DTWD2: variants seen among roughly 807,000 people sequenced by gnomAD.
The protein encoded by DTWD2 is DTW motif tRNA-uridine aminocarboxypropyltransferase 2, also known as tRNA-uridine aminocarboxypropyltransferase 2.
A neutral mutation model predicts 31.8 loss-of-function variants in DTWD2; 39 were observed. That is an observed-to-expected ratio of 1.22 (90% CI 0.95 to 1.60). The LOEUF is 1.60. DTWD2 is among the 40% of genes most tolerant of loss of function. The probability of loss-of-function intolerance (pLI) is 0.00; values close to 1 mark genes in which losing one functional copy is unlikely to be tolerated. For synonymous variants in DTWD2, 180 were observed against 142.8 expected, an observed-to-expected ratio of 1.26 and a Z score of -1.86; for missense variants, 515 against 381.5, an observed-to-expected ratio of 1.35 and a Z score of -2.92.
At chr5:118,884,927 C>T (rs894663799) in intron 4 of DTWD2, among the ~76,000 whole-genome samples, 4 of 138,480 alleles carry the variant, frequency 2.9e-5, no homozygotes, top group African/African-American at 1.1e-4. Flanking sequence ...ACCTAGGAGG[C>T]GGAGCTTGCA....
chr5:118,898,658 CAAAA>C (rs200407705), intron 4 of DTWD2, among the ~76,000 whole-genome samples: 2 of 82,306 alleles, frequency 2.4e-5, no homozygotes, highest in Non-Finnish European at 4.8e-5. Flanking sequence ...GACTCCATCT[CAAAA>C]AAAAAAAAAA....
intron 1 of DTWD2, among the ~76,000 whole-genome samples, chr5:118,947,345 T>C (rs551444779): frequency 1.3e-5 from 2 of 152,232 alleles, no homozygotes; most frequent in African/African-American, 2.4e-5. Context: ...GTGGTAAATA[T>C]GGAGGATTTT....
Position 118,929,153 on chromosome 5 carries a change from G to GA in DTWD2, c.405-425dup, listed in dbSNP as rs546686883. On this transcript the variant is annotated intron_variant, in intron 3 of 5. Coordinates refer to ENST00000510708, the MANE Select transcript of DTWD2 (RefSeq NM_173666.4). ...AAGGCAAAATCGAGTAGCAATGGAAGAACCATAAAGAGAAGTTCGGTTGCA... is the reference window on the plus strand; with the variant it reads ...AAGGCAAAATCGAGTAGCAATGGAAGAAACCATAAAGAGAAGTTCGGTTGCA... 3.3e-4 allele frequency among the ~76,000 whole-genome samples: 51 copies of GA among 152,316 alleles called. No homozygotes were observed. In the East Asian group the frequency reaches 4.6e-3, roughly 14 times the overall value.
chr5:118,861,940 TAAC>T (rs772077037), intron 4 of DTWD2, among the ~76,000 whole-genome samples: 6 of 151,792 alleles, frequency 4.0e-5, no homozygotes, highest in Non-Finnish European at 5.9e-5. Flanking sequence ...GCAGAGCGAG[TAAC>T]AACAGTAAAG....
chr5:118,913,132 T>C (rs926346665), intron 4 of DTWD2, among the ~76,000 whole-genome samples: 6 of 152,064 alleles, frequency 3.9e-5, no homozygotes, highest in Admixed American at 1.3e-4. Context: ...CAAGGTCTGA[T>C]TGCAAAAATT....
At chr5:118,935,963 T>G (rs1324474622) in intron 3 of DTWD2, among the ~76,000 whole-genome samples, 1 of 152,160 alleles carries the variant, frequency 6.6e-6, no homozygotes, top group African/African-American at 2.4e-5. Flanking sequence ...GCATATAGAA[T>G]ATTTACCAAA....
intron 4 of DTWD2, among the ~76,000 whole-genome samples, chr5:118,887,847 C>T (rs1244822204): frequency 2.0e-5 from 3 of 152,156 alleles, no homozygotes; most frequent in Non-Finnish European, 2.9e-5. Context: ...CTCTATGCTG[C>T]CCAGGCTTGT....
At chr5:118,973,023 GTC>G (rs1229136450) in intron 1 of DTWD2, among the ~76,000 whole-genome samples, 1 of 150,094 alleles carries the variant, frequency 6.7e-6, no homozygotes, top group Non-Finnish European at 1.5e-5. Flanking sequence ...TTGGTTTACA[GTC>G]TGTTTTATCA....
intron 4 of DTWD2, among the ~76,000 whole-genome samples, chr5:118,877,933 C>A (rs959053690): frequency 1.3e-5 from 2 of 152,110 alleles, no homozygotes; most frequent in African/African-American, 4.8e-5. Flanking sequence ...GAAACCTACT[C>A]CCATTCACAA....
chr5:118,974,083 C>T (rs1429147376), intron 1 of DTWD2: 11 of 1,600,766 alleles, frequency 6.9e-6, no homozygotes, highest in South Asian at 1.1e-5. Context: ...ATGAGGATGA[C>T]GATGTCGATA....
At chr5:118,956,852 A>T (rs1754599152) in intron 1 of DTWD2, among the ~76,000 whole-genome samples, 1 of 152,192 alleles carries the variant, frequency 6.6e-6, no homozygotes, top group South Asian at 2.1e-4. Context: ...AGTTGAATAG[A>T]TACACTGCAT....
intron 4 of DTWD2, among the ~76,000 whole-genome samples, chr5:118,927,688 T>C (rs1354477989): frequency 6.6e-6 from 1 of 152,040 alleles, no homozygotes; most frequent in Non-Finnish European, 1.5e-5. Context: ...CTGATCTAAA[T>C]AGAAGTAGAA....
chr5:118,861,277 G>A (rs1278839508), intron 4 of DTWD2, among the ~76,000 whole-genome samples: 2 of 152,216 alleles, frequency 1.3e-5, no homozygotes, highest in African/African-American at 4.8e-5. Context: ...CCATGAGATT[G>A]AAGTTTATGA....
intron 4 of DTWD2, among the ~76,000 whole-genome samples, chr5:118,894,302 A>G (rs1021948102): frequency 1.3e-5 from 2 of 152,156 alleles, no homozygotes; most frequent in Non-Finnish European, 2.9e-5. Flanking sequence ...TACAATCCCA[A>G]TCCAACTCCT....
chr5:118,869,335 C>T (rs1014764853), intron 4 of DTWD2, among the ~76,000 whole-genome samples: 5 of 152,040 alleles, frequency 3.3e-5, no homozygotes, highest in Non-Finnish European at 7.4e-5. Context: ...TGAAGTCAAC[C>T]ACAACACAAA....
At chr5:118,974,261 G>A (rs1389007477) in intron 1 of DTWD2, 16 of 760,848 alleles carry the variant, frequency 2.1e-5, no homozygotes, top group Non-Finnish European at 3.1e-5. Context: ...AGTGCCACCC[G>A]CAGATGACAC....
intron 1 of DTWD2, among the ~76,000 whole-genome samples, chr5:118,976,484 A>G (rs951684118): frequency 2.7e-4 from 41 of 152,260 alleles, no homozygotes; most frequent in African/African-American, 9.9e-4. Flanking sequence ...TCAAATAGAC[A>G]CAGTAAAAGA....
rs538869624 is a variant in DTWD2, at chr5:118,935,489, T to C, written c.404+3707A>G. 5.9e-5 allele frequency among the ~76,000 whole-genome samples: 9 copies of C among 152,268 alleles called. No individual in the cohort carries two copies. In the South Asian group the frequency reaches 1.9e-3, roughly 32 times the overall value. On this transcript the variant is annotated intron_variant, in intron 3 of 5. Coordinates refer to ENST00000510708, the MANE Select transcript of DTWD2 (RefSeq NM_173666.4). ...ATTGAACTGGAAGACACCCAACTAG[T>C]ATTATTGCAAAATTGACTGCTTGCT...
intron 1 of DTWD2, among the ~76,000 whole-genome samples, chr5:118,968,384 C>T (rs1336935034): frequency 6.6e-6 from 1 of 152,176 alleles, no homozygotes; most frequent in Non-Finnish European, 1.5e-5. Context: ...CAGTCAGTGG[C>T]TATCACAGAG....
Sources: allele counts gnomAD v4.1 joint callset (sites outside exome capture counted in the v4.1 genomes callset), GRCh38; gene constraint gnomAD v4.1.1; transcripts MANE v1.5; gene names NCBI Gene and HGNC (gene_info 2026-07-23, HGNC 2026-07-21).